NIPSNAP1: variants seen among roughly 807,000 people sequenced by gnomAD.
NIPSNAP1 encodes the protein protein NipSnap homolog 1.
In NIPSNAP1, 25 loss-of-function variants were observed where a neutral mutation model predicts 49.2. The observed-to-expected ratio is 0.51, with a 90% CI of 0.37 to 0.71. The LOEUF is 0.71. Ranked by LOEUF, NIPSNAP1 falls within the 30% of genes least tolerant of loss-of-function variation. NIPSNAP1 has a pLI of 0.00. For missense variants in NIPSNAP1, 294 were observed against 361.0 expected (o/e 0.81, Z 1.50); for synonymous variants, 143 against 140.7 (o/e 1.02, Z -0.12).
chr22:29,570,084 G>A (rs1261062603), intron 3 of NIPSNAP1, 78 bp downstream of exon 3: 1 of 1,112,854 alleles, frequency 9.0e-7, no homozygotes, highest in South Asian at 1.2e-5. Flanking sequence ...GAACAGGGTG[G>A]AGGATGTTCC....
chr22:29,569,254 C>T lies in NIPSNAP1; in HGVS notation c.306G>A (p.Glu102=). The part of the protein sequence containing the change: ...EAVLPKLHLD[E]DYPCSLVGNW... ...TGCCCACGAGTGAGCATGGGTAGTC[C>T]TCATCCAGGTGAAGCTTGGGCAGCA... is the stretch of plus-strand genomic sequence containing the variant. Residue 102 remains glutamate, a synonymous_variant, in exon 4 of 10, where the codon GAG becomes GAA. Coordinates refer to ENST00000216121, the MANE Select transcript of NIPSNAP1 (RefSeq NM_003634.4). The T allele has an allele frequency of 3.1e-6, 5 of 1,613,954 alleles. No homozygotes were observed. The highest frequency in any genetic ancestry group is 4.2e-6 in the Non-Finnish European group (5 of 1,179,966).
At position 29,555,726 on chromosome 22, in the gene NIPSNAP1, G is replaced by A. The variant is rs1445050387; in HGVS notation, c.*209C>T. On this transcript the variant is annotated 3_prime_UTR_variant, in exon 10 of 10. Coordinates refer to ENST00000216121, the MANE Select transcript of NIPSNAP1 (RefSeq NM_003634.4). ...TCAGAAACTACTTCTAGCAGGGGGA[G>A]GGAGGCAGGCAGGGAAAGTAGAAAG... 4 of 593,450 alleles carry A rather than the reference G, an allele frequency of 6.7e-6. No individual in the cohort carries two copies. Among genetic ancestry groups the A allele is most frequent in the Non-Finnish European group, 1.2e-5 (4 of 325,006 alleles). 36.8% of individuals were successfully genotyped at this position (593,450 alleles called of 1,614,324 possible). A position where few individuals can be genotyped will look rare whatever the true frequency, so the allele number is the denominator to read the frequency against.
At chr22:29,566,588 C>T (rs2064369726) in intron 4 of NIPSNAP1, among the ~76,000 whole-genome samples, 1 of 151,756 alleles carries the variant, frequency 6.6e-6, no homozygotes, top group Non-Finnish European at 1.5e-5. Flanking sequence ...TCCAGGAGGC[C>T]AAGGCTGACG....
intron 1 of NIPSNAP1, among the ~76,000 whole-genome samples, chr22:29,577,836 G>A (rs763385845): frequency 3.0e-4 from 45 of 150,516 alleles, no homozygotes; most frequent in South Asian, 2.3e-3. Context: ...CAGTTCAAGC[G>A]ATTCTCCTGC....
chr22:29,574,221 T>C (rs1378565516), intron 1 of NIPSNAP1, among the ~76,000 whole-genome samples: 5 of 121,308 alleles, frequency 4.1e-5, no homozygotes, highest in Non-Finnish European at 6.3e-5. Context: ...ATCACGCCAC[T>C]GCACGCCAGC....
intron 3 of NIPSNAP1, chr22:29,569,773 G>A (rs2064393832): frequency 3.2e-5 from 11 of 345,432 alleles, no homozygotes; most frequent in South Asian, 2.4e-4. Flanking sequence ...TGGATCACCT[G>A]AGGTCAGGAG....
rs1050185737 is a variant in NIPSNAP1, at chr22:29,576,315, C to T, written c.98+4670G>A. ...GATTACAGGCATGATCCACCATGCC[C>T]GGCCGAACCCAGGAGTTTGAGACCA... On this transcript the variant is annotated intron_variant, in intron 1 of 9. Coordinates refer to ENST00000216121, the MANE Select transcript of NIPSNAP1 (RefSeq NM_003634.4). Among the ~76,000 whole-genome samples the T allele has an allele frequency of 4.0e-5, 6 of 150,990 alleles. 1 individual carries two copies. The highest frequency in any genetic ancestry group is 9.9e-5 in the African/African-American group (4 of 40,474).
chr22:29,555,910 G>C lies in NIPSNAP1; in HGVS notation c.*25C>G. 6.5e-7 allele frequency: 1 copy of C among 1,549,950 alleles called. No individual in the cohort carries two copies. Among genetic ancestry groups the C allele is most frequent in the Non-Finnish European group, 8.7e-7 (1 of 1,145,278 alleles). ...GTCGGGGTTGCCTGAGGGAGAAGGGGAAGGAGGTGGAGGTGTAGGCAGCAT... is the reference window on the plus strand; with the variant it reads ...GTCGGGGTTGCCTGAGGGAGAAGGGCAAGGAGGTGGAGGTGTAGGCAGCAT... On this transcript the variant is annotated 3_prime_UTR_variant, in exon 10 of 10. Coordinates refer to ENST00000216121, the MANE Select transcript of NIPSNAP1 (RefSeq NM_003634.4).
chr22:29,562,595 G>A (rs2064343143), intron 4 of NIPSNAP1, among the ~76,000 whole-genome samples: 1 of 152,124 alleles, frequency 6.6e-6, no homozygotes, highest in African/African-American at 2.4e-5. Context: ...GGAGGCTGAG[G>A]CAGGAGAATC....
intron 1 of NIPSNAP1, among the ~76,000 whole-genome samples, chr22:29,571,136 A>C (rs767534357): frequency 2.7e-4 from 41 of 152,162 alleles, no homozygotes; most frequent in Non-Finnish European, 5.9e-5. Context: ...GGAAAGCCAA[A>C]TACAAATAAG....
chr22:29,569,374 T>C (rs1353768956), intron 3 of NIPSNAP1, 87 bp from the exon 4 acceptor site: 1 of 981,090 alleles, frequency 1.0e-6, no homozygotes, highest in Non-Finnish European at 1.6e-6. Flanking sequence ...AAACAGACCC[T>C]GGGGCTGGGC....
rs984907761 is a variant in NIPSNAP1 at position 29,555,551 on chromosome 22, C to T, written c.*384G>A. Reference sequence around the variant, plus strand: ...GGCCTGGCCTCCTCTCTTCCCACCCCACCTCTAGCCACTGGACATACTACC... The same window carrying T: ...GGCCTGGCCTCCTCTCTTCCCACCCTACCTCTAGCCACTGGACATACTACC... On this transcript the variant is annotated 3_prime_UTR_variant, in exon 10 of 10. Coordinates refer to ENST00000216121, the MANE Select transcript of NIPSNAP1 (RefSeq NM_003634.4). 1.6e-5 allele frequency: 4 copies of T among 254,564 alleles called. No homozygotes were observed. The highest frequency in any genetic ancestry group is 3.2e-5 in the Non-Finnish European group (4 of 124,816). The allele number at this position is 254,564 out of a possible 1,614,324, so 15.8% of individuals were successfully genotyped here.
At chr22:29,569,955 C>G (rs2064395413) in intron 3 of NIPSNAP1, 4 of 580,008 alleles carry the variant, frequency 6.9e-6, no homozygotes, top group Non-Finnish European at 1.2e-5. Context: ...CGCCATTGCA[C>G]TCCAGCCTGG....
chr22:29,554,907 G>A lies in NIPSNAP1; in HGVS notation c.*1028C>T, dbSNP rs1317415273. ...TACCCAAGGGTTCATGATGAGGTAT[G>A]GGGGTCACTGAGGAGACCCCCAGAG... On this transcript the variant is annotated 3_prime_UTR_variant, in exon 10 of 10. Coordinates refer to ENST00000216121, the MANE Select transcript of NIPSNAP1 (RefSeq NM_003634.4). The A allele has an allele frequency of 2.0e-5, 3 of 152,674 alleles. No individual in the cohort carries two copies. The highest frequency in any genetic ancestry group is 4.4e-5 in the Non-Finnish European group (3 of 68,064). 9.5% of individuals were successfully genotyped at this position (152,674 alleles called of 1,614,324 possible).
chr22:29,570,718 C>G (rs948634500), intron 1 of NIPSNAP1, among the ~76,000 whole-genome samples, 186 bp from the exon 2 acceptor site: 6 of 152,154 alleles, frequency 3.9e-5, no homozygotes, highest in African/African-American at 1.4e-4. Flanking sequence ...GATATTCCAG[C>G]TGCCCAGTTG....
In NIPSNAP1 at chr22:29,561,660, G is replaced by T. The variant is rs755847660; in HGVS notation, c.439-14C>A. ...CTCCAGGTACTCCTGTGGGCATGGT[G>T]GTAAAGGCATGGCTACCAGGAAGTG... On this transcript the variant is annotated splice_polypyrimidine_tract_variant and intron_variant, in intron 5 of 9. Transcript: ENST00000216121. 2 of 1,614,050 alleles carry T rather than the reference G, an allele frequency of 1.2e-6. No homozygotes were observed. The highest frequency in any genetic ancestry group is 8.5e-7 in the Non-Finnish European group (1 of 1,180,024).
intron 1 of NIPSNAP1, among the ~76,000 whole-genome samples, chr22:29,574,687 G>A (rs1326450360): frequency 6.6e-6 from 1 of 151,112 alleles, no homozygotes; most frequent in African/African-American, 2.4e-5. Flanking sequence ...GCTGAGGCAG[G>A]AGAATCACTT....
intron 1 of NIPSNAP1, among the ~76,000 whole-genome samples, chr22:29,576,125 T>C (rs2064450255): frequency 6.6e-6 from 1 of 151,146 alleles, no homozygotes; most frequent in South Asian, 2.1e-4. Context: ...TTCAAGCGAT[T>C]CTCTTGCCTC....
chr22:29,563,869 G>C (rs1486921612), intron 4 of NIPSNAP1, among the ~76,000 whole-genome samples: 1 of 152,130 alleles, frequency 6.6e-6, no homozygotes. Context: ...CCCAGAAACT[G>C]GAAGAGGCAA....
Sources: allele counts gnomAD v4.1 joint callset (sites outside exome capture counted in the v4.1 genomes callset), GRCh38; gene constraint gnomAD v4.1.1; transcripts MANE v1.5; gene names NCBI Gene and HGNC (gene_info 2026-07-23, HGNC 2026-07-21).